GON4L: variants seen among roughly 807,000 people sequenced by gnomAD.
The protein encoded by GON4L is GON-4-like protein.
GON4L carries 87 observed loss-of-function variants against 211.8 expected under a neutral mutation model. The observed-to-expected ratio is 0.41, with a 90% CI of 0.35 to 0.49. The LOEUF (loss-of-function observed/expected upper bound fraction) is 0.49. GON4L is among the 20% of genes least tolerant of loss of function. The pLI, the probability that GON4L is intolerant of heterozygous loss-of-function variation, is 0.15. For missense variants in GON4L, 2,155 were observed against 2,659.5 expected (o/e 0.81, Z 4.17); for synonymous variants, 875 against 962.6 (o/e 0.91, Z 1.68).
At position 155,766,247 on chromosome 1, in the gene GON4L, G is replaced by T. The variant is rs779299230; in HGVS notation, c.3226C>A (p.Pro1076Thr). The change falls in exon 21 of 32, where the codon CCC becomes ACC. Residue 1076 changes from proline to threonine, a missense_variant. Coordinates refer to ENST00000368331, the MANE Select transcript of GON4L (RefSeq NM_001282860.2). ...FESPAALPAV[P>T]PEARTSFPLS... is the part of the protein sequence containing the mutation. ...GGGAAGCTTGTCCTGGCCTCAGGGG[G>T]CACAGCAGGCAGTGCTGCAGGAGAC... 1.2e-6 allele frequency: 2 copies of T among 1,614,144 alleles called. No individual in the cohort carries two copies. The highest frequency in any genetic ancestry group is 3.3e-5 in the Admixed American group (2 of 60,012).
intron 2 of GON4L, among the ~76,000 whole-genome samples, chr1:155,841,210 T>G (rs974687917): frequency 5.9e-5 from 9 of 152,256 alleles, no homozygotes; most frequent in Non-Finnish European, 7.3e-5. Flanking sequence ...GCAGGGCTTA[T>G]GACTTTTTTG....
intron 3 of GON4L, among the ~76,000 whole-genome samples, chr1:155,824,304 C>G (rs991045558): frequency 6.6e-6 from 1 of 150,474 alleles, no homozygotes; most frequent in South Asian, 2.1e-4. Context: ...CATGGTGGCA[C>G]GTGCCTGTAG....
chr1:155,780,600 T>A (rs945164530), intron 14 of GON4L, among the ~76,000 whole-genome samples: 29 of 151,832 alleles, frequency 1.9e-4, no homozygotes, highest in African/African-American at 5.1e-4. Flanking sequence ...TTCAAAAAAA[T>A]AAAATAAAAT....
intron 2 of GON4L, among the ~76,000 whole-genome samples, chr1:155,839,522 C>A (rs1006954184): frequency 6.6e-6 from 1 of 151,830 alleles, no homozygotes; most frequent in East Asian, 1.9e-4. Flanking sequence ...TGGTGGCACA[C>A]GCCTGTTAAT....
At chr1:155,787,707 A>T (rs927621914) in intron 12 of GON4L, among the ~76,000 whole-genome samples, 4 of 152,028 alleles carry the variant, frequency 2.6e-5, no homozygotes, top group Non-Finnish European at 5.9e-5. Flanking sequence ...CAGGAGGTGG[A>T]GGTTGCACTG....
intron 19 of GON4L, among the ~76,000 whole-genome samples, chr1:155,769,538 G>A (rs893782767): frequency 4.6e-5 from 7 of 151,890 alleles, no homozygotes; most frequent in South Asian, 2.1e-4. Flanking sequence ...TGAAAGTGAC[G>A]GAATATCTAG....
At chr1:155,828,414 CT>C (rs1223812815) in intron 2 of GON4L, among the ~76,000 whole-genome samples, 2 of 150,892 alleles carry the variant, frequency 1.3e-5, no homozygotes, top group Non-Finnish European at 1.5e-5. Flanking sequence ...TCGCTTGAAC[CT>C]GGCAGGCAGA....
intron 17 of GON4L, among the ~76,000 whole-genome samples, chr1:155,774,649 A>G (rs1019178621): frequency 3.9e-5 from 6 of 152,224 alleles, no homozygotes; most frequent in Non-Finnish European, 7.4e-5. Flanking sequence ...AAACATGACC[A>G]AACTTTACCA....
chr1:155,795,068 G>T lies in GON4L; in HGVS notation c.1729C>A (p.Arg577=). ...GACTCACTGGTGATTCTCACTGCCC[G>T]GTCAGTCCGGAAATCCTCTGTGTCT... The part of the protein sequence containing the change: ...EPDTEDFRTD[R]AVRITKKEVN... The change falls in exon 12 of 32, where the codon CGG becomes AGG. Residue 577 remains arginine, a synonymous_variant. Transcript: ENST00000368331. 1 of 1,591,620 alleles carries T rather than the reference G, an allele frequency of 6.3e-7. No individual in the cohort carries two copies. Among genetic ancestry groups the T allele is most frequent in the Non-Finnish European group, 8.6e-7 (1 of 1,159,468 alleles).
chr1:155,828,807 C>CAAAAAAAAAAA (rs34551835), intron 2 of GON4L, among the ~76,000 whole-genome samples: 1 of 72,798 alleles, frequency 1.4e-5, no homozygotes. Flanking sequence ...GACTCTGTCT[C>CAAAAAAAAAAA]AAAAAAAAAA....
chr1:155,824,293 C>G (rs978002969), intron 3 of GON4L, among the ~76,000 whole-genome samples: 12 of 150,636 alleles, frequency 8.0e-5, no homozygotes, highest in Non-Finnish European at 1.5e-4. Context: ...AATTAGCCGG[C>G]CATGGTGGCA....
Position 155,816,212 on chromosome 1 carries a change from C to A in GON4L, c.1065G>T (p.Lys355Asn). Residue 355 changes from lysine to asparagine, a missense_variant and splice_region_variant, in exon 7 of 32, where the codon AAG becomes AAT. Lys to Asn is a moderately conservative substitution (Grantham distance 94, BLOSUM62 0). Transcript: ENST00000368331. Reference protein sequence around the residue: ...ISPIKKANEIKPPQFVDIHLE... With the variant: ...ISPIKKANEINPPQFVDIHLE... ...TAACAATTATTTCTTCCAAGTTTAC[C>A]TTAATTTCATTGGCCTTCTTAATTG... The A allele has an allele frequency of 7.5e-7, 1 of 1,338,304 alleles. No homozygotes were observed. The highest frequency in any genetic ancestry group is 1.1e-6 in the Non-Finnish European group (1 of 930,828). 82.9% of individuals were successfully genotyped at this position (1,338,304 alleles called of 1,614,324 possible).
intron 12 of GON4L, among the ~76,000 whole-genome samples, chr1:155,789,362 A>G (rs999045730): frequency 2.2e-4 from 34 of 152,020 alleles, no homozygotes; most frequent in African/African-American, 7.0e-4. Flanking sequence ...AGTGAAGTAT[A>G]GGCTCATGCC....
chr1:155,759,060 A>T (rs1208601674), intron 24 of GON4L, among the ~76,000 whole-genome samples: 1 of 152,052 alleles, frequency 6.6e-6, no homozygotes, highest in Non-Finnish European at 1.5e-5. Context: ...GTAGTGGAGC[A>T]ATCATGGCTG....
At position 155,789,085 on chromosome 1, in the gene GON4L, GAA is replaced by G. The variant is rs10634121; in HGVS notation, c.1748-3713_1748-3712del. Among the ~76,000 whole-genome samples, 60 of 111,330 alleles carry G rather than the reference GAA, an allele frequency of 5.4e-4. No homozygotes were observed. In the East Asian group the frequency reaches 9.1e-3, roughly 17 times the overall value. The allele number at this position is 111,330 out of a possible 152,430, so 73.0% of individuals were successfully genotyped here. A position where few individuals can be genotyped will look rare whatever the true frequency, so the allele number is the denominator to read the frequency against. On this transcript the variant is annotated intron_variant, in intron 12 of 31. Transcript: ENST00000368331. ...GGTGACAGAGCGAGACTCCGTCTCG[GAA>G]AAAAAAAAAAAAAAAAATCAGAACA...
chr1:155,812,649 G>A (rs959890547), intron 10 of GON4L, among the ~76,000 whole-genome samples: 1 of 151,364 alleles, frequency 6.6e-6, no homozygotes, highest in African/African-American at 2.4e-5. Context: ...TCTGCCTCCC[G>A]GGTTCAAGCG....
rs768304982 is a variant in GON4L, at chr1:155,814,572, C to T, written c.1162-123G>A. The T allele has an allele frequency of 1.3e-4, 133 of 1,021,942 alleles. 1 individual carries two copies. The highest frequency in any genetic ancestry group is 1.9e-4 in the Non-Finnish European group (126 of 657,208). The allele number at this position is 1,021,942 out of a possible 1,614,324, so 63.3% of individuals were successfully genotyped here. ...CTCAGCCTGGCCAACATGGTGAACA[C>T]CCGTCTCTGCTAAAAATACAAAAAT... On this transcript the variant is annotated intron_variant, in intron 8 of 31. Coordinates refer to ENST00000368331, the MANE Select transcript of GON4L (RefSeq NM_001282860.2).
rs966774687 is a variant in GON4L at position 155,805,201 on chromosome 1, T to C, written c.1453-60A>G. 4 of 1,083,186 alleles carry C rather than the reference T, an allele frequency of 3.7e-6. No homozygotes were observed. In the African/African-American group the frequency reaches 6.2e-5, roughly 17 times the overall value. The allele number at this position is 1,083,186 out of a possible 1,614,324, so 67.1% of individuals were successfully genotyped here. Reference sequence around the variant, plus strand: ...TGATGTTTCCAAACCTCATCATCACTCCTTTTCTTCTCATCTTAGCTTAAG... The same window carrying C: ...TGATGTTTCCAAACCTCATCATCACCCCTTTTCTTCTCATCTTAGCTTAAG... On this transcript the variant is annotated intron_variant, in intron 10 of 31. Coordinates refer to ENST00000368331, the MANE Select transcript of GON4L (RefSeq NM_001282860.2).
intron 2 of GON4L, among the ~76,000 whole-genome samples, chr1:155,833,736 A>G (rs1571896804): frequency 1.2e-4 from 1 of 8,564 alleles, no homozygotes; most frequent in African/African-American, 2.0e-4. Flanking sequence ...TGGGGAGGAG[A>G]GGGGAGGAGA....
Sources: gnomAD v4.1 joint callset for allele counts (sites outside exome capture counted in the v4.1 genomes callset) on GRCh38, gnomAD v4.1.1 for gene constraint, MANE v1.5 for transcripts, NCBI Gene and HGNC (gene_info 2026-07-23, HGNC 2026-07-21) for gene names.